Variants in DEFB110 observed in about 807,000 individuals in gnomAD.
DEFB110 encodes the protein beta-defensin 110.
In DEFB110, 4 loss-of-function variants were observed where a neutral mutation model predicts 2.5. The observed-to-expected ratio is 1.60, with a 90% CI of 0.79 to 3.66. The LOEUF (loss-of-function observed/expected upper bound fraction) is 3.66. DEFB110 is among the 30% of genes most tolerant of loss of function. The pLI is 0.01. For missense variants in DEFB110, 94 were observed against 75.4 expected (o/e 1.25, Z -0.91); for synonymous variants, 29 against 21.8 (o/e 1.33, Z -0.92).
intron 1 of DEFB110, among the ~76,000 whole-genome samples, chr6:50,020,624 T>C (rs1379270669): frequency 6.6e-6 from 1 of 152,164 alleles, no homozygotes; most frequent in Non-Finnish European, 1.5e-5. Flanking sequence ...TGATGGTGAG[T>C]AGTAATACCT....
At chr6:50,015,480 T>C (rs571891513), downstream of DEFB110, among the ~76,000 whole-genome samples, 11 of 151,850 alleles carry the variant, frequency 7.2e-5, no homozygotes, top group South Asian at 2.3e-3. Context: ...CCAGCAATTC[T>C]TTCCTCCCAG....
At chr6:50,014,857 C>T (rs1054400485), downstream of DEFB110, among the ~76,000 whole-genome samples, 1 of 151,770 alleles carries the variant, frequency 6.6e-6, no homozygotes, top group African/African-American at 2.4e-5. Flanking sequence ...AAAGCATCCC[C>T]ATGCTCTAAT....
chr6:50,018,758 A>G, downstream of DEFB110: 1 of 1,190,252 alleles, frequency 8.4e-7, no homozygotes, highest in Non-Finnish European at 1.0e-6. Flanking sequence ...TGCATAAAAT[A>G]AGTCCTGCTA....
downstream of DEFB110, among the ~76,000 whole-genome samples, chr6:50,017,839 A>T (rs550554218): frequency 3.9e-5 from 6 of 151,976 alleles, no homozygotes; most frequent in South Asian, 8.3e-4. Context: ...AGAGAGTAGG[A>T]AGCCCCTGGA....
At position 50,019,113 on chromosome 6, in the gene DEFB110, T is replaced by C. The variant is rs1435437833; in HGVS notation, c.68A>G (p.Tyr23Cys). 6.2e-7 allele frequency: 1 copy of C among 1,611,864 alleles called. No individual in the cohort carries two copies. Among genetic ancestry groups the C allele is most frequent in the South Asian group, 1.1e-5 (1 of 90,662 alleles). The change falls in exon 2 of 2, where the codon TAT becomes TGT. Residue 23 changes from tyrosine (Y) to cysteine (C), a missense_variant. Tyr to Cys is a radical substitution (Grantham distance 194, BLOSUM62 -2). Coordinates refer to ENST00000371148, the MANE Select transcript of DEFB110 (RefSeq NM_001037497.2). ...WVTILPAKKK[Y>C]PEYGSLDLRR... Reference sequence around the variant, plus strand: ...CAAGTCCAAGCTACCATACTCAGGATATTTCTTTTTGGCTGTAAGAAGGGA... The same window carrying C: ...CAAGTCCAAGCTACCATACTCAGGACATTTCTTTTTGGCTGTAAGAAGGGA...
chr6:50,015,958 A>C (rs976980974), downstream of DEFB110, among the ~76,000 whole-genome samples: 1 of 151,820 alleles, frequency 6.6e-6, no homozygotes, highest in African/African-American at 2.4e-5. Context: ...TTACTTAAAA[A>C]TCAGTTTGTA....
chr6:50,011,053 A>G (rs914627909), intron 1 of DEFB110, among the ~76,000 whole-genome samples: 5 of 151,962 alleles, frequency 3.3e-5, no homozygotes, highest in African/African-American at 1.2e-4. Context: ...TCTATTGCTT[A>G]TAATTTATTT....
chr6:50,015,941 T>C (rs76532650), downstream of DEFB110, among the ~76,000 whole-genome samples: 2,151 of 151,938 alleles, frequency 0.014, 51 homozygotes, highest in African/African-American at 0.049. Flanking sequence ...CTCTATCAAA[T>C]TGAATATTAC....
At chr6:50,019,456 G>T (rs1774380171) in intron 1 of DEFB110, among the ~76,000 whole-genome samples, 1 of 152,056 alleles carries the variant, frequency 6.6e-6, no homozygotes, top group Non-Finnish European at 1.5e-5. Context: ...CATTTGAGCT[G>T]CCTGTTCTCT....
chr6:50,021,257 T>C (rs1490939782), intron 1 of DEFB110, among the ~76,000 whole-genome samples: 1 of 152,166 alleles, frequency 6.6e-6, no homozygotes, highest in Non-Finnish European at 1.5e-5. Flanking sequence ...CATTGTAGGT[T>C]ATTTAGCAGC....
At position 50,012,477 on chromosome 6, in the gene DEFB110, C is replaced by T. The variant is rs1209346372; in HGVS notation, c.56-3206G>A. Among the ~76,000 whole-genome samples the T allele has an allele frequency of 6.6e-5, 10 of 151,822 alleles. No homozygotes were observed. In the East Asian group the frequency reaches 1.9e-3, roughly 29 times the overall value. ...CTATGTTTTATTACATGTTATTCAT[C>T]AGTTATTTCCTGTCAACTTAGCAAG... On this transcript the variant is annotated intron_variant, in intron 1 of 1. Transcript: ENST00000393660.
At position 50,018,974 on chromosome 6, in the gene DEFB110, T is replaced by C. The variant is rs375609976; in HGVS notation, c.*3A>G. 6.2e-7 allele frequency: 1 copy of C among 1,607,780 alleles called. No individual in the cohort carries two copies. Among genetic ancestry groups the C allele is most frequent in the Non-Finnish European group, 8.5e-7 (1 of 1,177,536 alleles). On this transcript the variant is annotated 3_prime_UTR_variant, in exon 2 of 2. Coordinates refer to ENST00000371148, the MANE Select transcript of DEFB110 (RefSeq NM_001037497.2). ...AGCTTGTGACTCTTTTCTTCTGTCA[T>C]CGTTACTGCTGCAAGCAGCAATGAG...
At chr6:50,020,362 A>G (rs540128289) in intron 1 of DEFB110, among the ~76,000 whole-genome samples, 2 of 152,096 alleles carry the variant, frequency 1.3e-5, no homozygotes, top group Admixed American at 1.3e-4. Context: ...TTTAAATTGT[A>G]CCAAGTCAAA....
chr6:50,021,848 T>C, intron 1 of DEFB110, 33 bp downstream of exon 1: 1 of 1,534,114 alleles, frequency 6.5e-7, no homozygotes, highest in Admixed American at 2.3e-5. Flanking sequence ...TCAAATTTGT[T>C]AGTATAAATC....
downstream of DEFB110, among the ~76,000 whole-genome samples, chr6:50,016,357 A>C (rs921596994): frequency 6.6e-6 from 1 of 151,900 alleles, no homozygotes; most frequent in Non-Finnish European, 1.5e-5. Flanking sequence ...ACTCACAAGA[A>C]ACTAAATATG....
chr6:50,020,268 G>T (rs556331479), intron 1 of DEFB110, among the ~76,000 whole-genome samples: 1 of 151,926 alleles, frequency 6.6e-6, no homozygotes, highest in African/African-American at 2.4e-5. Flanking sequence ...TTCTTATTTA[G>T]AATTGAATAT....
intron 1 of DEFB110, among the ~76,000 whole-genome samples, chr6:50,012,330 A>G (rs1425521653): frequency 2.0e-5 from 3 of 152,004 alleles, no homozygotes; most frequent in Admixed American, 6.6e-5. Flanking sequence ...TTATTTCTGC[A>G]CATAGGAAAA....
intron 1 of DEFB110, among the ~76,000 whole-genome samples, chr6:50,011,819 G>T (rs1000434797): frequency 6.6e-6 from 1 of 152,040 alleles, no homozygotes; most frequent in Non-Finnish European, 1.5e-5. Flanking sequence ...TGTTTTGGAA[G>T]ATATTTGCTC....
chr6:50,016,784 C>T (rs9463563), downstream of DEFB110, among the ~76,000 whole-genome samples: 10 of 151,610 alleles, frequency 6.6e-5, no homozygotes, highest in African/African-American at 2.4e-4. Flanking sequence ...CTTCAATTTT[C>T]TTAAATTTGT....
Sources: allele counts gnomAD v4.1 joint callset (sites outside exome capture counted in the v4.1 genomes callset), GRCh38; gene constraint gnomAD v4.1.1; transcripts MANE v1.5; gene names NCBI Gene and HGNC (gene_info 2026-07-23, HGNC 2026-07-21).